The following GRID2 variants were observed in gnomAD, a reference collection of about 807,000 sequenced individuals.
The protein encoded by GRID2 is glutamate ionotropic receptor delta type subunit 2, also known as glutamate receptor ionotropic, delta-2.
GRID2 carries 33 observed loss-of-function variants against 114.8 expected under a neutral mutation model. That is an observed-to-expected ratio of 0.29 (90% CI 0.22 to 0.38). GRID2 has a LOEUF of 0.38. GRID2 is among the 10% of genes least tolerant of loss of function. The pLI, the probability that GRID2 is intolerant of heterozygous loss-of-function variation, is 1.00. For missense variants in GRID2, 1,184 were observed against 1,257.7 expected, an observed-to-expected ratio of 0.94 and a Z score of 0.89; for synonymous variants, 505 against 449.9, an observed-to-expected ratio of 1.12 and a Z score of -1.55.
At chr4:92,857,123 A>T (rs1018996079) in intron 2 of GRID2, among the ~76,000 whole-genome samples, 15 of 152,152 alleles carry the variant, frequency 9.9e-5, no homozygotes, top group African/African-American at 3.6e-4. Context: ...CCAGCAATGG[A>T]TTGTTCCATT....
intron 1 of GRID2, among the ~76,000 whole-genome samples, chr4:92,580,143 C>T (rs565191597): frequency 1.3e-5 from 2 of 150,800 alleles, no homozygotes; most frequent in Admixed American, 6.6e-5. Context: ...GAGGGAAACT[C>T]ATGTCTCCTT....
chr4:92,857,986 T>C lies in GRID2; in HGVS notation c.245-227009T>C, dbSNP rs138793178. Reference sequence around the variant, plus strand: ...TGCCTGTGTTCTATAAATGGAACAATAAAGCCTGGATGACAGCACAACTGT... The same window carrying C: ...TGCCTGTGTTCTATAAATGGAACAACAAAGCCTGGATGACAGCACAACTGT... On this transcript the variant is annotated intron_variant, in intron 2 of 15. Transcript: ENST00000282020. Among the ~76,000 whole-genome samples the C allele has an allele frequency of 5.9e-3, 902 of 152,302 alleles. 15 individuals carry two copies. Among genetic ancestry groups the C allele is most frequent in the African/African-American group, 0.021 (856 of 41,570 alleles).
chr4:93,135,159 T>G (rs1735130369), intron 4 of GRID2, among the ~76,000 whole-genome samples: 1 of 152,190 alleles, frequency 6.6e-6, no homozygotes, highest in Non-Finnish European at 1.5e-5. Context: ...ACAGATTTGA[T>G]TTAATAACAC....
chr4:93,207,478 T>C (rs376423286), intron 5 of GRID2, 21 bp downstream of exon 5: 30 of 1,470,624 alleles, frequency 2.0e-5, no homozygotes, highest in Non-Finnish European at 2.7e-5. Context: ...CTAAACCTTA[T>C]TGTTAACTCT....
rs565793415 is a variant in GRID2, at chr4:93,271,073, G to A, written c.1245+32583G>A. 4.6e-5 allele frequency among the ~76,000 whole-genome samples: 7 copies of A among 152,234 alleles called. No individual in the cohort carries two copies. The East Asian group carries it at 5.8e-4, about 13-fold the overall frequency. On this transcript the variant is annotated intron_variant, in intron 8 of 15. Coordinates refer to ENST00000282020, the MANE Select transcript of GRID2 (RefSeq NM_001510.4). The stretch of plus-strand genomic sequence containing the variant: ...AGGCTACATTATATGATTTGAACTC[G>A]CAGTGTTTATGTGGAAATTATATAT...
chr4:92,336,954 G>GTTTTTTTTTTTTTTTTTT (rs59093874), intron 1 of GRID2, among the ~76,000 whole-genome samples: 22 of 78,176 alleles, frequency 2.8e-4, no homozygotes, highest in South Asian at 5.1e-4. Flanking sequence ...TTTCGTTGTT[G>GTTTTTTTTTTTTTTTTTT]TTTTTTTTTT....
chr4:93,306,236 G>T (rs1322488720), intron 8 of GRID2: 1 of 152,124 alleles, frequency 6.6e-6, no homozygotes, highest in East Asian at 1.9e-4. Context: ...TCTAAAGGTT[G>T]GGCTAAGAGA....
intron 2 of GRID2, among the ~76,000 whole-genome samples, chr4:92,973,518 A>T (rs1350612303): frequency 1.3e-5 from 2 of 152,076 alleles, no homozygotes; most frequent in Non-Finnish European, 2.9e-5. Context: ...ATACTATTCT[A>T]CCTCTATTAT....
At chr4:92,717,080 A>G (rs577686272) in intron 2 of GRID2, among the ~76,000 whole-genome samples, 17 of 152,174 alleles carry the variant, frequency 1.1e-4, no homozygotes, top group African/African-American at 4.1e-4. Context: ...GAGTGCAATG[A>G]CCACTTAATA....
intron 1 of GRID2, among the ~76,000 whole-genome samples, chr4:92,472,048 C>G (rs1230865403): frequency 9.0e-6 from 1 of 111,560 alleles, no homozygotes; most frequent in East Asian, 2.2e-4. Context: ...ATTCTCCTGC[C>G]TCGGCCTCCC....
rs1747949315 is a variant in GRID2 at position 93,244,532 on chromosome 4, ATAATCTATT to A, written c.1245+6043_1245+6051del. Among the ~76,000 whole-genome samples the A allele has an allele frequency of 1.0e-4, 2 of 19,560 alleles. 1 individual carries two copies. Among genetic ancestry groups the A allele is most frequent in the African/African-American group, 6.1e-4 (2 of 3,268 alleles). The allele number at this position is 19,560 out of a possible 152,430, so 12.8% of individuals were successfully genotyped here. ...TATAATCTATTAATTAATAGATTATATAATCTATTAATTAATAGATTATATAATCTATTA... is the reference window on the plus strand; with the variant it reads ...TATAATCTATTAATTAATAGATTATAAATTAATAGATTATATAATCTATTA... On this transcript the variant is annotated intron_variant, in intron 8 of 15. Coordinates refer to ENST00000282020, the MANE Select transcript of GRID2 (RefSeq NM_001510.4).
intron 1 of GRID2, among the ~76,000 whole-genome samples, chr4:92,552,255 AAAGT>A (rs956683216): frequency 3.9e-5 from 6 of 152,210 alleles, no homozygotes; most frequent in African/African-American, 1.4e-4. Context: ...AAAAAAAAAA[AAAGT>A]AGTAATATCC....
intron 2 of GRID2, among the ~76,000 whole-genome samples, chr4:92,783,539 C>T (rs145688504): frequency 3.5e-4 from 53 of 152,000 alleles, no homozygotes; most frequent in African/African-American, 1.0e-3. Flanking sequence ...AGATGTTTTG[C>T]TCTCATTTTA....
intron 2 of GRID2, among the ~76,000 whole-genome samples, chr4:92,926,888 C>T (rs751966102): frequency 1.3e-5 from 2 of 151,872 alleles, no homozygotes; most frequent in African/African-American, 2.4e-5. Flanking sequence ...TTCATAAGGG[C>T]AGAGTCCTCA....
At position 92,985,127 on chromosome 4, in the gene GRID2, C is replaced by G. The variant is rs961977647; in HGVS notation, c.245-99868C>G. Reference sequence around the variant, plus strand: ...AATGTTTGCTCACTGATTTCAGCATCCAATGATAGTCTCATCTGCAACAAT... The same window carrying G: ...AATGTTTGCTCACTGATTTCAGCATGCAATGATAGTCTCATCTGCAACAAT... On this transcript the variant is annotated intron_variant, in intron 2 of 15. Transcript: ENST00000282020. Among the ~76,000 whole-genome samples, 4 of 151,992 alleles carry G rather than the reference C, an allele frequency of 2.6e-5. No homozygotes were observed. In the South Asian group the frequency reaches 8.3e-4, roughly 31 times the overall value.
At chr4:92,330,558 TTAGA>T (rs1286607311) in intron 1 of GRID2, among the ~76,000 whole-genome samples, 6 of 152,252 alleles carry the variant, frequency 3.9e-5, no homozygotes, top group African/African-American at 1.4e-4. Flanking sequence ...AGAAGAATGC[TTAGA>T]TAAATTTTTA....
intron 2 of GRID2, among the ~76,000 whole-genome samples, chr4:92,831,435 ATAAAGT>A (rs1415563095): frequency 2.6e-5 from 4 of 152,146 alleles, no homozygotes; most frequent in African/African-American, 7.2e-5. Context: ...CAGCTGTAGT[ATAAAGT>A]TAAACACTTT....
intron 2 of GRID2, among the ~76,000 whole-genome samples, chr4:92,826,450 A>T (rs1741706475): frequency 6.6e-6 from 1 of 152,030 alleles, no homozygotes; most frequent in Middle Eastern, 3.2e-3. Flanking sequence ...GTACTTCTGT[A>T]TAACATGTTT....
intron 13 of GRID2, among the ~76,000 whole-genome samples, chr4:93,588,804 T>G (rs996196370): frequency 7.9e-5 from 12 of 152,158 alleles, no homozygotes; most frequent in Non-Finnish European, 1.6e-4. Context: ...GATAAATTTG[T>G]AATGTGGATT....
Sources: gnomAD v4.1 joint callset for allele counts (sites outside exome capture counted in the v4.1 genomes callset) on GRCh38, gnomAD v4.1.1 for gene constraint, MANE v1.5 for transcripts, NCBI Gene and HGNC (gene_info 2026-07-23, HGNC 2026-07-21) for gene names.